GALNT17: variants seen among roughly 807,000 people sequenced by gnomAD.
GALNT17 encodes UDP-GalNAc:polypeptide N-acetylgalactosaminyltransferase-like 3.
In GALNT17, 29 loss-of-function variants were observed where a neutral mutation model predicts 63.7. The ratio of observed to expected loss-of-function variants is 0.46; its 90% CI spans 0.34 to 0.62. The LOEUF (loss-of-function observed/expected upper bound fraction) is 0.62. Ranked by LOEUF, GALNT17 falls within the 20% of genes least tolerant of loss-of-function variation. The pLI is 0.01. For synonymous variants in GALNT17, 305 were observed against 318.3 expected, an observed-to-expected ratio of 0.96 and a Z score of 0.45; for missense variants, 603 against 799.6, an observed-to-expected ratio of 0.75 and a Z score of 2.97.
chr7:71,626,821 A>G (rs1210636419), intron 6 of GALNT17, among the ~76,000 whole-genome samples: 4 of 152,198 alleles, frequency 2.6e-5, no homozygotes, highest in Non-Finnish European at 5.9e-5. Flanking sequence ...AGCCTCGCAG[A>G]GGGAGAATGA....
At chr7:71,415,645 C>G (rs1329895816) in intron 3 of GALNT17, among the ~76,000 whole-genome samples, 1 of 152,140 alleles carries the variant, frequency 6.6e-6, no homozygotes, top group Non-Finnish European at 1.5e-5. Context: ...ATATAAAAGC[C>G]AGGCCTGGTT....
chr7:71,257,655 T>G (rs1349702560), intron 1 of GALNT17, among the ~76,000 whole-genome samples: 1 of 152,164 alleles, frequency 6.6e-6, no homozygotes, highest in East Asian at 1.9e-4. Context: ...CAGTCACTGG[T>G]CTCTTCAGGG....
At chr7:71,489,017 C>T (rs996052309) in intron 5 of GALNT17, among the ~76,000 whole-genome samples, 6 of 139,790 alleles carry the variant, frequency 4.3e-5, no homozygotes, top group African/African-American at 1.6e-4. Context: ...CCTCAGCCTC[C>T]CAAGTACCTG....
At chr7:71,485,874 A>G (rs73367518) in intron 5 of GALNT17, among the ~76,000 whole-genome samples, 7,653 of 152,272 alleles carry the variant, frequency 0.05, 668 homozygotes, top group African/African-American at 0.18. Flanking sequence ...AGTCAGATAC[A>G]AGGAGGCAGT....
intron 9 of GALNT17, among the ~76,000 whole-genome samples, chr7:71,696,833 T>A (rs1285327587): frequency 6.6e-6 from 1 of 152,256 alleles, no homozygotes; most frequent in African/African-American, 2.4e-5. Context: ...TATAGAGCAT[T>A]TGATTTTTGC....
chr7:71,216,499 TA>T (rs1188219789), intron 1 of GALNT17, among the ~76,000 whole-genome samples: 1 of 151,804 alleles, frequency 6.6e-6, no homozygotes, highest in African/African-American at 2.4e-5. Context: ...GTATACCTCC[TA>T]GGGGGTAATG....
At chr7:71,539,548 TCAATC>T (rs1440690197) in intron 5 of GALNT17, among the ~76,000 whole-genome samples, 5 of 152,150 alleles carry the variant, frequency 3.3e-5, no homozygotes, top group Non-Finnish European at 5.9e-5. Flanking sequence ...GCCTTCGACA[TCAATC>T]CAACACACAT....
At chr7:71,318,507 C>T (rs1187545480) in intron 1 of GALNT17, among the ~76,000 whole-genome samples, 7 of 150,108 alleles carry the variant, frequency 4.7e-5, no homozygotes, top group African/African-American at 1.7e-4. Context: ...GCCACCACTG[C>T]CTCCTGGGTT....
chr7:71,637,028 G>A (rs1267540277), intron 6 of GALNT17, among the ~76,000 whole-genome samples: 3 of 152,144 alleles, frequency 2.0e-5, no homozygotes, highest in African/African-American at 7.2e-5. Flanking sequence ...TTAACTCTCT[G>A]TGCCTCAGTT....
chr7:71,174,044 CAA>C (rs941926171), intron 1 of GALNT17, among the ~76,000 whole-genome samples: 39 of 152,230 alleles, frequency 2.6e-4, no homozygotes, highest in Admixed American at 1.0e-3. Flanking sequence ...GGAGGCGACT[CAA>C]GAGATTCTTC....
At chr7:71,660,107 C>T (rs185130680) in intron 6 of GALNT17, among the ~76,000 whole-genome samples, 1 of 152,166 alleles carries the variant, frequency 6.6e-6, no homozygotes, top group Non-Finnish European at 1.5e-5. Flanking sequence ...CTCATTTCAT[C>T]CCCCTGCCCA....
At chr7:71,531,506 T>C (rs924094907) in intron 5 of GALNT17, among the ~76,000 whole-genome samples, 6 of 152,224 alleles carry the variant, frequency 3.9e-5, no homozygotes, top group African/African-American at 1.4e-4. Flanking sequence ...TGAAAACTTG[T>C]ATGTGGCTTG....
chr7:71,454,394 G>T (rs1349587850), intron 5 of GALNT17, among the ~76,000 whole-genome samples: 1 of 152,160 alleles, frequency 6.6e-6, no homozygotes, highest in Non-Finnish European at 1.5e-5. Flanking sequence ...CACTCCAAAG[G>T]ACATGATCTG....
rs553779901 is a variant in GALNT17, at chr7:71,198,688, T to C, written c.238+65648T>C. Among the ~76,000 whole-genome samples the C allele has an allele frequency of 2.6e-5, 4 of 152,328 alleles. No individual in the cohort carries two copies. The East Asian group carries it at 7.7e-4, about 29-fold the overall frequency. On this transcript the variant is annotated intron_variant, in intron 1 of 10. Transcript: ENST00000333538. ...GGTACTTAAGATTGACAAGCCATTTTAGTCTTGGTTTCTGCAGGTGGTGTG... is the reference window on the plus strand; with the variant it reads ...GGTACTTAAGATTGACAAGCCATTTCAGTCTTGGTTTCTGCAGGTGGTGTG...
intron 6 of GALNT17, among the ~76,000 whole-genome samples, chr7:71,615,994 G>T (rs1051354846): frequency 6.6e-6 from 1 of 152,054 alleles, no homozygotes; most frequent in African/African-American, 2.4e-5. Context: ...CCCAGAATTT[G>T]GATTCAGAAA....
intron 8 of GALNT17, among the ~76,000 whole-genome samples, chr7:71,672,920 A>G (rs1791091913): frequency 6.6e-6 from 1 of 152,256 alleles, no homozygotes; most frequent in Non-Finnish European, 1.5e-5. Flanking sequence ...AAGAAAAAAT[A>G]CACATGGATG....
chr7:71,423,931 TA>T (rs1270091232), intron 5 of GALNT17, among the ~76,000 whole-genome samples: 1 of 151,828 alleles, frequency 6.6e-6, no homozygotes, highest in Non-Finnish European at 1.5e-5. Flanking sequence ...CAAATAATAA[TA>T]AAAAAAGAGT....
chr7:71,277,026 A>G (rs1311861653), intron 1 of GALNT17, among the ~76,000 whole-genome samples: 1 of 152,174 alleles, frequency 6.6e-6, no homozygotes, highest in Non-Finnish European at 1.5e-5. Context: ...AAAGAAATAA[A>G]TTATCCAGTC....
intron 9 of GALNT17, among the ~76,000 whole-genome samples, chr7:71,705,573 A>G (rs1791711373): frequency 6.6e-6 from 1 of 152,208 alleles, no homozygotes; most frequent in African/African-American, 2.4e-5. Context: ...GTACATGAAT[A>G]TCCACAGCAG....
Sources: allele counts gnomAD v4.1 joint callset (sites outside exome capture counted in the v4.1 genomes callset), GRCh38; gene constraint gnomAD v4.1.1; transcripts MANE v1.5; gene names NCBI Gene and HGNC (gene_info 2026-07-23, HGNC 2026-07-21).